SUGP2: variants seen among roughly 807,000 people sequenced by gnomAD.
The protein encoded by SUGP2 is SURP and G-patch domain containing 2.
In SUGP2, 24 loss-of-function variants were observed where a neutral mutation model predicts 90.5. The observed-to-expected ratio is 0.27, with a 90% CI of 0.19 to 0.37. SUGP2 has a LOEUF of 0.37. SUGP2 is among the 10% of genes least tolerant of loss of function. SUGP2 has a pLI of 1.00. For missense variants in SUGP2, 1,233 were observed against 1,363.3 expected (o/e 0.90, Z 1.51); for synonymous variants, 473 against 513.4 (o/e 0.92, Z 1.06).
chr19:19,025,250 A>G lies in SUGP2; in HGVS notation c.1098T>C (p.Leu366=), dbSNP rs772367853. The G allele has an allele frequency of 5.6e-6, 9 of 1,613,134 alleles. No homozygotes were observed. The South Asian group carries it at 8.8e-5, about 16-fold the overall frequency. ...GTTTTAAGGAACATTTGAATGAGGC[A>G]AGCATTTTAGCACAGGTTTCTGTTT... ...ELETETCAKM[L]ASFKCSLKPE... Residue 366 remains leucine (L), a synonymous_variant, in exon 3 of 11, where the codon CTT becomes CTC. Coordinates refer to ENST00000452918, the MANE Select transcript of SUGP2 (RefSeq NM_001017392.5).
Position 19,009,985 on chromosome 19 carries a change from G to A in SUGP2, c.2208C>T (p.Asp736=), listed in dbSNP as rs567876671. Residue 736 remains aspartate, a synonymous_variant, in exon 5 of 11, where the codon GAC becomes GAT. Coordinates refer to ENST00000452918, the MANE Select transcript of SUGP2 (RefSeq NM_001017392.5). The part of the protein sequence containing the change: ...SLPDRNDAAK[D]CPPDPVGPSP... ...AAGGTCCAACTGGGTCTGGCGGGCA[G>A]TCCTTGGCAGCATCATTTCTGTCTG... 20 of 1,614,206 alleles carry A rather than the reference G, an allele frequency of 1.2e-5. No homozygotes were observed. The African/African-American group carries it at 2.0e-4, about 16-fold the overall frequency.
intron 8 of SUGP2, among the ~76,000 whole-genome samples, chr19:18,996,664 T>A (rs2145255453): frequency 6.6e-6 from 1 of 152,318 alleles, no homozygotes; most frequent in East Asian, 1.9e-4. Flanking sequence ...GCGATTCTCC[T>A]GCTTCAGCCT....
At chr19:19,014,045 G>A (rs531552252) in intron 4 of SUGP2, among the ~76,000 whole-genome samples, 19 of 152,308 alleles carry the variant, frequency 1.2e-4, no homozygotes, top group Non-Finnish European at 2.4e-4. Flanking sequence ...CCAGGCTGGA[G>A]TGCAGTGGTG....
At chr19:19,002,811 C>T (rs1042018064) in intron 7 of SUGP2, among the ~76,000 whole-genome samples, 3 of 151,956 alleles carry the variant, frequency 2.0e-5, no homozygotes, top group Non-Finnish European at 4.4e-5. Flanking sequence ...GCACACCCGG[C>T]GCAGGTCTGG....
chr19:18,997,901 T>C (rs2057676099), intron 8 of SUGP2, among the ~76,000 whole-genome samples: 1 of 152,110 alleles, frequency 6.6e-6, no homozygotes, highest in South Asian at 2.1e-4. Flanking sequence ...AGGAGGAAGC[T>C]GTTTTCTTCA....
intron 6 of SUGP2, among the ~76,000 whole-genome samples, chr19:19,007,979 G>A (rs753152939): frequency 1.3e-5 from 2 of 151,936 alleles, no homozygotes; most frequent in Non-Finnish European, 2.9e-5. Context: ...GGCTGGTCTC[G>A]AACTCCTGAA....
rs1015151860 is a variant in SUGP2 at position 18,994,848 on chromosome 19, A to G, written c.3128+296T>C. The G allele has an allele frequency of 5.5e-6, 3 of 548,982 alleles. No homozygotes were observed. The African/African-American group carries it at 5.7e-5, about 10-fold the overall frequency. 34.0% of individuals were successfully genotyped at this position (548,982 alleles called of 1,614,324 possible). ...TATGGGTTCCCGGGAATGGGAAAGC[A>G]GTTCCAGACGGAAACTACACAGAAA... is the stretch of plus-strand genomic sequence containing the variant. On this transcript the variant is annotated intron_variant, in intron 9 of 10. Transcript: ENST00000452918.
chr19:19,001,803 G>A, intron 7 of SUGP2, 129 bp from the exon 8 acceptor site: 1 of 860,392 alleles, frequency 1.2e-6, no homozygotes, highest in Non-Finnish European at 1.9e-6. Context: ...GGCTCTGCAT[G>A]GCAGCTGCTG....
intron 2 of SUGP2, among the ~76,000 whole-genome samples, chr19:19,027,697 G>A (rs931001825): frequency 6.6e-6 from 1 of 151,850 alleles, no homozygotes; most frequent in African/African-American, 2.4e-5. Context: ...GAGTGCAAGG[G>A]TGCGATCTTG....
intron 4 of SUGP2, among the ~76,000 whole-genome samples, chr19:19,013,809 C>G (rs2058391240): frequency 1.3e-5 from 2 of 152,238 alleles, no homozygotes; most frequent in African/African-American, 4.8e-5. Context: ...TCCCAGGGGA[C>G]AATTTAGAAG....
At position 19,033,469 on chromosome 19, in the gene SUGP2, C is replaced by G; in HGVS notation, c.-44G>C. On this transcript the variant is annotated 5_prime_UTR_variant, in exon 1 of 11. Transcript: ENST00000452918. ...CCACCGCGCGCGGAGCCACCCCCGCCGCCGCCTCAGGCTCCTCACCCGCCG... is the reference window on the plus strand; with the variant it reads ...CCACCGCGCGCGGAGCCACCCCCGCGGCCGCCTCAGGCTCCTCACCCGCCG... 1 of 1,404,244 alleles carries G rather than the reference C, an allele frequency of 7.1e-7. No homozygotes were observed. Among genetic ancestry groups the G allele is most frequent in the Non-Finnish European group, 9.3e-7 (1 of 1,078,844 alleles). 87.0% of individuals were successfully genotyped at this position (1,404,244 alleles called of 1,614,324 possible).
In SUGP2 at chr19:19,009,983, C is replaced by A. The variant is rs1321370577; in HGVS notation, c.2210G>T (p.Cys737Phe). The A allele has an allele frequency of 1.2e-6, 2 of 1,614,122 alleles. No individual in the cohort carries two copies. The highest frequency in any genetic ancestry group is 2.2e-5 in the East Asian group (1 of 44,872). Reference protein sequence around the residue: ...LPDRNDAAKDCPPDPVGPSPQ... With the variant: ...LPDRNDAAKDFPPDPVGPSPQ... The stretch of plus-strand genomic sequence containing the variant: ...AGAAGGTCCAACTGGGTCTGGCGGG[C>A]AGTCCTTGGCAGCATCATTTCTGTC... Residue 737 changes from cysteine to phenylalanine, a missense_variant, in exon 5 of 11, where the codon TGC (cysteine) becomes TTC (phenylalanine). Cys to Phe is a radical substitution (Grantham distance 205). This residue lies in a region of SUGP2 where 540 missense variants were observed against 542.6 expected (regional missense o/e 1.00). Transcript: ENST00000452918.
intron 6 of SUGP2, chr19:19,007,578 C>A (rs1208339459): frequency 6.6e-6 from 1 of 150,594 alleles, no homozygotes; most frequent in Admixed American, 6.6e-5. Context: ...TCAGCCTCCC[C>A]CGAGTAGCTG....
rs951672442 is a variant in SUGP2 at position 18,991,859 on chromosome 19, G to C, written c.*1882C>G. On this transcript the variant is annotated 3_prime_UTR_variant, in exon 11 of 11. Coordinates refer to ENST00000452918, the MANE Select transcript of SUGP2 (RefSeq NM_001017392.5). Reference sequence around the variant, plus strand: ...CACAGGCTGGTTCGTTCGAGGGTTGGGTTATAAACCCAAACTCCATCCTCC... The same window carrying C: ...CACAGGCTGGTTCGTTCGAGGGTTGCGTTATAAACCCAAACTCCATCCTCC... 1.3e-5 allele frequency: 2 copies of C among 152,198 alleles called. No homozygotes were observed. Among genetic ancestry groups the C allele is most frequent in the African/African-American group, 4.8e-5 (2 of 41,416 alleles). The allele number at this position is 152,198 out of a possible 1,614,324, so 9.4% of individuals were successfully genotyped here.
At chr19:19,026,294 A>G in intron 2 of SUGP2, 68 bp from the exon 3 acceptor site, 1 of 1,420,328 alleles carries the variant, frequency 7.0e-7, no homozygotes, top group South Asian at 1.5e-5. Flanking sequence ...GAATGCAAAC[A>G]GTGCAAACAA....
rs542133871 is a variant in SUGP2, at chr19:19,028,688, C to T, written c.121+2263G>A. Among the ~76,000 whole-genome samples, 31 of 152,262 alleles carry T rather than the reference C, an allele frequency of 2.0e-4. No homozygotes were observed. In the South Asian group the frequency reaches 6.2e-3, roughly 31 times the overall value. ...GCTAGGTTTCTAGTCCTCTCCCACC[C>T]ACGGCCCCCTAATCTGTCTTTTTTT... On this transcript the variant is annotated intron_variant, in intron 2 of 10. Coordinates refer to ENST00000452918, the MANE Select transcript of SUGP2 (RefSeq NM_001017392.5).
chr19:19,019,276 C>T (rs1260005125), intron 3 of SUGP2, 47 bp from the exon 4 acceptor site: 1 of 1,582,684 alleles, frequency 6.3e-7, no homozygotes, highest in East Asian at 2.3e-5. Flanking sequence ...TGAATGTGGG[C>T]TCTGAGAAGA....
chr19:19,011,333 A>G (rs1215510299), intron 4 of SUGP2, among the ~76,000 whole-genome samples: 3 of 151,656 alleles, frequency 2.0e-5, no homozygotes, highest in Non-Finnish European at 2.9e-5. Flanking sequence ...TTTTTGGTTG[A>G]GAGGACATTT....
chr19:19,003,699 C>T, intron 7 of SUGP2: 1 of 154,300 alleles, frequency 6.5e-6, no homozygotes, highest in Non-Finnish European at 1.4e-5. Context: ...AACCTCCCCA[C>T]AGGAGAGCAG....
Sources: gnomAD v4.1 joint callset for allele counts (sites outside exome capture counted in the v4.1 genomes callset) on GRCh38, gnomAD v4.1.1 for gene constraint, gnomAD v4.1.1 regional missense constraint, MANE v1.5 for transcripts, NCBI Gene and HGNC (gene_info 2026-07-23, HGNC 2026-07-21) for gene names.